The following TBCE variants were observed in gnomAD, a reference collection of about 807,000 sequenced individuals.
The protein encoded by TBCE is tubulin-specific chaperone E.
TBCE carries 53 observed loss-of-function variants against 77.0 expected under a neutral mutation model. That is an observed-to-expected ratio of 0.69 (90% CI 0.55 to 0.87). The LOEUF is 0.87. TBCE is among the 40% of genes least tolerant of loss of function. The probability of loss-of-function intolerance (pLI) is 0.00; values close to 1 mark genes in which losing one functional copy is unlikely to be tolerated. For synonymous variants in TBCE, 235 were observed against 241.3 expected, an observed-to-expected ratio of 0.97 and a Z score of 0.24; for missense variants, 624 against 622.4, an observed-to-expected ratio of 1.00 and a Z score of -0.03.
At chr1:235,380,195 GTGTGTGTGTGTGTGTGTGTA>G in intron 2 of TBCE, 46 bp downstream of exon 2, 2 of 1,073,116 alleles carry the variant, frequency 1.9e-6, no homozygotes, top group South Asian at 1.4e-5. Context: ...GTGTGTGTGT[GTGTGTGTGTGTGTGTGTGTA>G]TTTTGCAGCT....
intron 2 of TBCE, among the ~76,000 whole-genome samples, chr1:235,386,184 C>G (rs542713413): frequency 5.3e-5 from 8 of 152,178 alleles, no homozygotes; most frequent in Non-Finnish European, 1.2e-4. Context: ...GCCAAGAGAT[C>G]CGCTGTTAGT....
At chr1:235,377,125 T>A (rs1180890362) in intron 1 of TBCE, among the ~76,000 whole-genome samples, 1 of 152,184 alleles carries the variant, frequency 6.6e-6, no homozygotes, top group Non-Finnish European at 1.5e-5. Context: ...ATAGACAAAA[T>A]TCAGCTCCAT....
chr1:235,393,466 A>T (rs2102840776), intron 2 of TBCE, among the ~76,000 whole-genome samples: 1 of 152,256 alleles, frequency 6.6e-6, no homozygotes, highest in Non-Finnish European at 1.5e-5. Flanking sequence ...TGAACCCAGG[A>T]GGTGGAGGTT....
At chr1:235,396,951 A>ATTGT (rs1052914645) in intron 2 of TBCE, among the ~76,000 whole-genome samples, 16 of 128,304 alleles carry the variant, frequency 1.2e-4, no homozygotes, top group South Asian at 2.5e-4. Context: ...CACTTTGTTG[A>ATTGT]TTGTTTATTT....
intron 2 of TBCE, among the ~76,000 whole-genome samples, chr1:235,392,373 A>G (rs978040453): frequency 2.9e-5 from 4 of 136,934 alleles, no homozygotes; most frequent in Admixed American, 2.9e-4. Context: ...GAAAGTTGTG[A>G]TTCATATTGT....
chr1:235,408,393 T>C (rs530056217), intron 3 of TBCE, among the ~76,000 whole-genome samples: 3 of 152,252 alleles, frequency 2.0e-5, no homozygotes, highest in South Asian at 4.1e-4. Flanking sequence ...AATGGATTGG[T>C]ATAAAATATT....
chr1:235,390,437 T>A (rs963618161), intron 2 of TBCE, among the ~76,000 whole-genome samples: 1 of 151,904 alleles, frequency 6.6e-6, no homozygotes, highest in Non-Finnish European at 1.5e-5. Context: ...TTGGGCTCAG[T>A]GTAATCACAA....
At chr1:235,373,181 A>G (rs984921540) in intron 1 of TBCE, among the ~76,000 whole-genome samples, 6 of 152,088 alleles carry the variant, frequency 3.9e-5, no homozygotes, top group Admixed American at 6.6e-5. Context: ...AAGGAAGTTA[A>G]TAAAAGAAGT....
chr1:235,372,053 C>G (rs1022238208), intron 1 of TBCE, among the ~76,000 whole-genome samples: 1 of 152,056 alleles, frequency 6.6e-6, no homozygotes, highest in Admixed American at 6.6e-5. Flanking sequence ...GTGATCAGGG[C>G]TCACTGCAGC....
intron 7 of TBCE, chr1:235,433,308 C>T: frequency 2.0e-6 from 1 of 497,374 alleles, no homozygotes; most frequent in East Asian, 5.0e-5. Context: ...GCAACCTCTG[C>T]CTCCTGGGCC....
chr1:235,386,133 T>G (rs549900271), intron 2 of TBCE, among the ~76,000 whole-genome samples: 38 of 152,326 alleles, frequency 2.5e-4, no homozygotes, highest in African/African-American at 8.2e-4. Flanking sequence ...TTAAGAATGT[T>G]GAATATTGGC....
chr1:235,414,820 T>C lies in TBCE; in HGVS notation c.371+202T>C, dbSNP rs576931949. On this transcript the variant is annotated intron_variant, in intron 4 of 16. Transcript: ENST00000642610. ...TTATGTTAGCACAGGATTGGTAGAT[T>C]TATCCAGTTTGCAATTGAAATATTT... 468 of 578,410 alleles carry C rather than the reference T, an allele frequency of 8.1e-4. 10 individuals are homozygous for C. The South Asian group carries it at 9.0e-3, about 11-fold the overall frequency. 35.8% of individuals were successfully genotyped at this position (578,410 alleles called of 1,614,324 possible).
chr1:235,376,649 C>T (rs745964811), intron 1 of TBCE, among the ~76,000 whole-genome samples: 51 of 152,182 alleles, frequency 3.4e-4, no homozygotes, highest in Middle Eastern at 3.4e-3. Flanking sequence ...ATTCCCCATG[C>T]CTGGTCTGAC....
At chr1:235,434,183 T>G (rs765924000) in intron 7 of TBCE, 21 bp from the exon 8 acceptor site, 2 of 1,613,628 alleles carry the variant, frequency 1.2e-6, no homozygotes, top group African/African-American at 2.7e-5. Flanking sequence ...CGCCTGAGCC[T>G]GAACCGAGTT....
Position 235,401,584 on chromosome 1 carries a change from G to A in TBCE, c.182G>A (p.Cys61Tyr). Residue 61 changes from cysteine (C) to tyrosine (Y), a missense_variant, in exon 3 of 17, where the codon TGC (cysteine) becomes TAC (tyrosine). Transcript: ENST00000642610. ...GSHEGTVYFK[C>Y]RHPTGGSFIR... ...CACGAAGGGACTGTGTATTTTAAAT[G>A]CAGGTAACTTTTCATTATGAATCAG... 1 of 1,613,098 alleles carries A rather than the reference G, an allele frequency of 6.2e-7. No individual in the cohort carries two copies. The highest frequency in any genetic ancestry group is 1.1e-5 in the South Asian group (1 of 91,060).
intron 15 of TBCE, among the ~76,000 whole-genome samples, chr1:235,446,279 A>C (rs1682279006): frequency 6.6e-6 from 1 of 151,960 alleles, no homozygotes; most frequent in Non-Finnish European, 1.5e-5. Context: ...GGGTTCAAGC[A>C]ACTCTCCCGG....
chr1:235,392,400 ATTTTTTTTTTTTT>A (rs557817776), intron 2 of TBCE, among the ~76,000 whole-genome samples: 6 of 54,032 alleles, frequency 1.1e-4, no homozygotes, highest in South Asian at 4.2e-4. Flanking sequence ...GCTGAACAGA[ATTTTTTTTTTTTT>A]TTTTTTTTTT....
At position 235,421,640 on chromosome 1, in the gene TBCE, C is replaced by T. The variant is rs575221685; in HGVS notation, c.460+2079C>T. ...GGGAGAATTGCTTGAACCCGGGAGG[C>T]GGAGGTTGCAGTGAGTGAGGTCATG... is the stretch of plus-strand genomic sequence containing the variant. On this transcript the variant is annotated intron_variant, in intron 5 of 16. Coordinates refer to ENST00000642610, the MANE Select transcript of TBCE (RefSeq NM_003193.5). 3.7e-3 allele frequency among the ~76,000 whole-genome samples: 560 copies of T among 151,956 alleles called. 4 individuals carry two copies. Among genetic ancestry groups the T allele is most frequent in the African/African-American group, 0.013 (535 of 41,466 alleles).
chr1:235,442,010 T>A (rs938905125), intron 14 of TBCE, 128 bp downstream of exon 14: 557 of 488,408 alleles, frequency 1.1e-3, no homozygotes, highest in Middle Eastern at 4.2e-3. Flanking sequence ...AAATGAAAAT[T>A]TTTTTTTTTT....
Sources: gnomAD v4.1 joint callset for allele counts (sites outside exome capture counted in the v4.1 genomes callset) on GRCh38, gnomAD v4.1.1 for gene constraint, MANE v1.5 for transcripts, NCBI Gene and HGNC (gene_info 2026-07-23, HGNC 2026-07-21) for gene names.